CCNY: variants seen among roughly 807,000 people sequenced by gnomAD.
CCNY encodes the protein cyclin Y.
Under a neutral mutation model 42.8 loss-of-function variants are expected in CCNY, and 19 were observed. That is an observed-to-expected ratio of 0.44 (90% CI 0.31 to 0.65). The LOEUF (loss-of-function observed/expected upper bound fraction) is 0.65, where lower values mean the gene tolerates loss of function less well. Among genes scored for constraint, CCNY ranks in the 30% least tolerant of loss-of-function variants. CCNY has a pLI of 0.07. For missense variants in CCNY, 370 were observed against 437.3 expected, an observed-to-expected ratio of 0.85 and a Z score of 1.37; for synonymous variants, 165 against 162.7, an observed-to-expected ratio of 1.01 and a Z score of -0.11.
chr10:35,462,632 G>C (rs1839181068), intron 1 of CCNY, among the ~76,000 whole-genome samples: 1 of 152,218 alleles, frequency 6.6e-6, no homozygotes, highest in African/African-American at 2.4e-5. Context: ...ACTCACTGCT[G>C]CTGCAGCTGC....
intron 3 of CCNY, among the ~76,000 whole-genome samples, chr10:35,291,528 C>CTTT (rs71523373): frequency 1.7e-4 from 19 of 109,306 alleles, no homozygotes; most frequent in African/African-American, 4.4e-4. Flanking sequence ...GTACGACTTC[C>CTTT]TTTTTTTTTT....
intron 2 of CCNY, among the ~76,000 whole-genome samples, chr10:35,492,450 A>G (rs1839918549): frequency 6.6e-6 from 1 of 152,128 alleles, no homozygotes; most frequent in South Asian, 2.1e-4. Context: ...CCAAAATTTA[A>G]TTGGCAGCAT....
At chr10:35,416,396 T>C (rs1039527156) in intron 1 of CCNY, among the ~76,000 whole-genome samples, 1 of 152,088 alleles carries the variant, frequency 6.6e-6, no homozygotes, top group African/African-American at 2.4e-5. Flanking sequence ...TCTAGGAGTT[T>C]GAGACCAGCC....
At chr10:35,456,569 G>A (rs1482437036) in intron 1 of CCNY, among the ~76,000 whole-genome samples, 2 of 152,062 alleles carry the variant, frequency 1.3e-5, no homozygotes, top group South Asian at 2.1e-4. Context: ...TCCAAAGCTC[G>A]ACAGACTTGA....
intron 1 of CCNY, among the ~76,000 whole-genome samples, chr10:35,449,114 A>G (rs1008191506): frequency 1.3e-4 from 19 of 151,946 alleles, no homozygotes; most frequent in Non-Finnish European, 1.5e-4. Context: ...AACGGGCAGC[A>G]TGGGAGTTCA....
intron 1 of CCNY, among the ~76,000 whole-genome samples, chr10:35,422,611 T>G (rs1259683812): frequency 6.6e-6 from 1 of 152,256 alleles, no homozygotes; most frequent in South Asian, 2.1e-4. Flanking sequence ...TGTTGTTTTA[T>G]GTTTACATTT....
chr10:35,346,712 C>T (rs767761558), intron 1 of CCNY, among the ~76,000 whole-genome samples: 5 of 152,272 alleles, frequency 3.3e-5, no homozygotes, highest in South Asian at 2.1e-4. Context: ...TGCAAACCTC[C>T]GCCTCCTGGG....
chr10:35,479,118 G>A (rs1229456164), intron 1 of CCNY, among the ~76,000 whole-genome samples: 1 of 151,880 alleles, frequency 6.6e-6, no homozygotes, highest in African/African-American at 2.4e-5. Context: ...AGGTGCTGGA[G>A]AGGATGTGGA....
At chr10:35,383,414 TCTC>T (rs1343493978) in intron 1 of CCNY, among the ~76,000 whole-genome samples, 2 of 152,038 alleles carry the variant, frequency 1.3e-5, no homozygotes, top group Non-Finnish European at 2.9e-5. Context: ...TTCAAGCAGT[TCTC>T]CTGCCCCAGC....
At chr10:35,312,970 C>T (rs1281052731) in intron 3 of CCNY, among the ~76,000 whole-genome samples, 1 of 152,030 alleles carries the variant, frequency 6.6e-6, no homozygotes, top group Non-Finnish European at 1.5e-5. Context: ...ACCACCTTTC[C>T]TTCCAGGCAT....
intron 1 of CCNY, among the ~76,000 whole-genome samples, chr10:35,440,205 G>A (rs1409286567): frequency 4.6e-5 from 7 of 152,314 alleles, no homozygotes; most frequent in Non-Finnish European, 7.3e-5. Context: ...TGGACAGAGA[G>A]AGCAGGTGTT....
chr10:35,556,454 G>A (rs1158757311), intron 8 of CCNY, among the ~76,000 whole-genome samples: 2 of 152,102 alleles, frequency 1.3e-5, no homozygotes, highest in African/African-American at 4.8e-5. Flanking sequence ...TCTACTGTTT[G>A]TTTTGAGAGC....
chr10:35,350,503 T>C (rs1397508575), intron 1 of CCNY, among the ~76,000 whole-genome samples: 1 of 152,180 alleles, frequency 6.6e-6, no homozygotes, highest in African/African-American at 2.4e-5. Context: ...GTGTGTAGCT[T>C]TGGCTTGGTT....
chr10:35,496,997 C>A (rs987007120), intron 2 of CCNY, among the ~76,000 whole-genome samples: 3 of 152,198 alleles, frequency 2.0e-5, no homozygotes, highest in Non-Finnish European at 2.9e-5. Flanking sequence ...TTTAAAGCCT[C>A]TGGTCCATTT....
intron 1 of CCNY, among the ~76,000 whole-genome samples, chr10:35,459,997 G>C (rs1183211655): frequency 3.3e-5 from 5 of 152,160 alleles, no homozygotes; most frequent in Non-Finnish European, 7.3e-5. Context: ...AACAACATCT[G>C]ATAGCCTGGA....
intron 1 of CCNY, among the ~76,000 whole-genome samples, chr10:35,424,510 G>A (rs1245538395): frequency 5.9e-5 from 9 of 152,348 alleles, no homozygotes; most frequent in Non-Finnish European, 4.4e-5. Flanking sequence ...ACAGGCGTGA[G>A]CCACCGCGCC....
chr10:35,413,333 A>G (rs912628808), intron 1 of CCNY, among the ~76,000 whole-genome samples: 3 of 152,146 alleles, frequency 2.0e-5, no homozygotes, highest in African/African-American at 7.2e-5. Flanking sequence ...GAGTCAGTGG[A>G]TATTGGTGAC....
chr10:35,283,296 A>T (rs1835317599), intron 3 of CCNY, among the ~76,000 whole-genome samples: 1 of 152,230 alleles, frequency 6.6e-6, no homozygotes, highest in Admixed American at 6.5e-5. Flanking sequence ...GTGGATAAAA[A>T]TATCAATATT....
Position 35,251,384 on chromosome 10 carries a change from G to A in CCNY, c.-9+758G>A, listed in dbSNP as rs557275752. ...TATAAAACTAATAAAAATTAAAATT[G>A]GCAGCACAGATGAGACAGATGGTGT... On this transcript the variant is annotated intron_variant, in intron 3 of 11. Transcript: ENST00000374706. Among the ~76,000 whole-genome samples, 3 of 152,208 alleles carry A rather than the reference G, an allele frequency of 2.0e-5. No homozygotes were observed. The East Asian group carries it at 5.8e-4, about 29-fold the overall frequency.
Sources: gnomAD v4.1 joint callset for allele counts (sites outside exome capture counted in the v4.1 genomes callset) on GRCh38, gnomAD v4.1.1 for gene constraint, MANE v1.5 for transcripts, NCBI Gene and HGNC (gene_info 2026-07-23, HGNC 2026-07-21) for gene names.